SLC44A5: variants seen among roughly 807,000 people sequenced by gnomAD.
SLC44A5 encodes the protein solute carrier family 44 member 5.
In SLC44A5, 57 loss-of-function variants were observed where a neutral mutation model predicts 101.8. The observed-to-expected ratio is 0.56, with a 90% CI of 0.45 to 0.70. The LOEUF is 0.70. SLC44A5 is among the 30% of genes least tolerant of loss of function. The pLI, the probability that SLC44A5 is intolerant of heterozygous loss-of-function variation, is 0.00. For synonymous variants in SLC44A5, 281 were observed against 290.9 expected (o/e 0.97, Z 0.35); for missense variants, 737 against 853.1 (o/e 0.86, Z 1.70).
intron 6 of SLC44A5, among the ~76,000 whole-genome samples, chr1:75,261,704 G>C (rs1291424131): frequency 6.6e-6 from 1 of 152,052 alleles, no homozygotes; most frequent in Non-Finnish European, 1.5e-5. Flanking sequence ...AAACCTGGCA[G>C]AGACACAACA....
chr1:75,682,268 T>C, the SLC44A5 span, among the ~76,000 whole-genome samples: 1 of 152,072 alleles, frequency 6.6e-6, no homozygotes, highest in Non-Finnish European at 1.5e-5. Context: ...AAAGTTCATA[T>C]GGAACCAAAA....
At chr1:75,412,111 A>C (rs959081141) in intron 2 of SLC44A5, among the ~76,000 whole-genome samples, 3 of 152,206 alleles carry the variant, frequency 2.0e-5, no homozygotes, top group African/African-American at 7.2e-5. Context: ...AGCACTTCAC[A>C]ATACTGTTCA....
Position 75,606,306 on chromosome 1 carries a change from G to A in SLC44A5, c.-70+4734C>T, listed in dbSNP as rs534327268. 5.9e-5 allele frequency among the ~76,000 whole-genome samples: 9 copies of A among 151,862 alleles called. No homozygotes were observed. In the East Asian group the frequency reaches 1.2e-3, roughly 20 times the overall value. Reference sequence around the variant, plus strand: ...TCTTAAAGATAATACATTTAAAGACGTAAAAGAAGATAAAAGAGAAACATC... The same window carrying A: ...TCTTAAAGATAATACATTTAAAGACATAAAAGAAGATAAAAGAGAAACATC... On this transcript the variant is annotated intron_variant, in intron 1 of 23. Coordinates refer to ENST00000370859, the MANE Select transcript of SLC44A5 (RefSeq NM_001130058.2).
At chr1:75,646,959 T>A in the SLC44A5 span, among the ~76,000 whole-genome samples, 1 of 152,174 alleles carries the variant, frequency 6.6e-6, no homozygotes, top group Non-Finnish European at 1.5e-5. Flanking sequence ...TGATGAGAAA[T>A]TCAAGCCAGA....
chr1:75,264,159 G>T (rs1650791895), intron 6 of SLC44A5, among the ~76,000 whole-genome samples: 1 of 148,626 alleles, frequency 6.7e-6, no homozygotes, highest in South Asian at 2.1e-4. Flanking sequence ...GAATAGCAAG[G>T]CACCATTTTC....
At chr1:75,372,389 A>G (rs905410623) in intron 3 of SLC44A5, among the ~76,000 whole-genome samples, 1 of 152,170 alleles carries the variant, frequency 6.6e-6, no homozygotes, top group Non-Finnish European at 1.5e-5. Context: ...AATAAAGAGT[A>G]ATTAAGATTA....
chr1:75,511,100 G>A (rs1044985406), intron 2 of SLC44A5, among the ~76,000 whole-genome samples: 2 of 152,076 alleles, frequency 1.3e-5, no homozygotes, highest in Non-Finnish European at 2.9e-5. Flanking sequence ...CTGAGATCGC[G>A]CAACTGCACT....
chr1:75,496,779 A>C (rs1385673967), intron 2 of SLC44A5, among the ~76,000 whole-genome samples: 1 of 152,122 alleles, frequency 6.6e-6, no homozygotes, highest in Non-Finnish European at 1.5e-5. Context: ...CATAGAACTT[A>C]ATAGCAAAAA....
At chr1:75,641,417 G>A in the SLC44A5 span, 1 of 1,103,076 alleles carries the variant, frequency 9.1e-7, no homozygotes, top group Non-Finnish European at 1.4e-6. Flanking sequence ...ATTGCTTTGT[G>A]GAGAATAAGC....
intron 23 of SLC44A5, chr1:75,204,507 A>G (rs550488733): frequency 6.6e-6 from 1 of 151,706 alleles, no homozygotes; most frequent in South Asian, 2.1e-4. Context: ...TTTTTTAAAC[A>G]GGGTTTTGCT....
chr1:75,231,976 G>A (rs1424369917), intron 12 of SLC44A5, among the ~76,000 whole-genome samples: 1 of 152,146 alleles, frequency 6.6e-6, no homozygotes, highest in Non-Finnish European at 1.5e-5. Flanking sequence ...GCTGCTGTCA[G>A]TAGGAAATTT....
the SLC44A5 span, among the ~76,000 whole-genome samples, chr1:75,670,576 T>G: frequency 6.6e-6 from 1 of 152,206 alleles, no homozygotes; most frequent in South Asian, 2.1e-4. Context: ...TGTAATGGCT[T>G]AAAGTGGAAT....
chr1:75,253,449 C>T (rs1188629135), intron 6 of SLC44A5, among the ~76,000 whole-genome samples: 1 of 152,096 alleles, frequency 6.6e-6, no homozygotes, highest in African/African-American at 2.4e-5. Context: ...GAAAAATAAA[C>T]CCATTCTATG....
intron 1 of SLC44A5, among the ~76,000 whole-genome samples, chr1:75,601,241 T>A (rs111859130): frequency 4.6e-5 from 7 of 152,052 alleles, no homozygotes; most frequent in Non-Finnish European, 1.0e-4. Context: ...TGGATGACAC[T>A]GGAAACCATC....
At chr1:75,481,608 A>G (rs1667861683) in intron 2 of SLC44A5, among the ~76,000 whole-genome samples, 1 of 151,978 alleles carries the variant, frequency 6.6e-6, no homozygotes, top group Non-Finnish European at 1.5e-5. Flanking sequence ...ATGAACAGAC[A>G]CTTCTCAAAA....
chr1:75,355,977 G>A (rs1249835), intron 3 of SLC44A5, among the ~76,000 whole-genome samples: 1 of 151,930 alleles, frequency 6.6e-6, no homozygotes, highest in African/African-American at 2.4e-5. Context: ...TTTGGGAAGC[G>A]GAGGTGGGCA....
At chr1:75,594,124 G>A (rs1674507618) in intron 1 of SLC44A5, among the ~76,000 whole-genome samples, 1 of 151,792 alleles carries the variant, frequency 6.6e-6, no homozygotes, top group Non-Finnish European at 1.5e-5. Context: ...TACACCTACT[G>A]TGTACCCACA....
At chr1:75,517,976 T>C (rs1669926356) in intron 2 of SLC44A5, among the ~76,000 whole-genome samples, 1 of 152,058 alleles carries the variant, frequency 6.6e-6, no homozygotes, top group Admixed American at 6.6e-5. Flanking sequence ...GCAGTGAGAG[T>C]AGTTATTAAA....
intron 3 of SLC44A5, among the ~76,000 whole-genome samples, chr1:75,388,131 C>T (rs1274281193): frequency 2.2e-5 from 3 of 138,980 alleles, no homozygotes; most frequent in Non-Finnish European, 4.6e-5. Flanking sequence ...TTAGTGGGTG[C>T]AGCGCACCAG....
Sources: allele counts gnomAD v4.1 joint callset (sites outside exome capture counted in the v4.1 genomes callset), GRCh38; gene constraint gnomAD v4.1.1; transcripts MANE v1.5; gene names NCBI Gene and HGNC (gene_info 2026-07-23, HGNC 2026-07-21).